The following WNT5B variants were observed in gnomAD, a reference collection of about 807,000 sequenced individuals.
WNT5B encodes the protein protein Wnt-5b.
A neutral mutation model predicts 36.5 loss-of-function variants in WNT5B; 18 were observed. That is an observed-to-expected ratio of 0.49 (90% CI 0.34 to 0.73). The LOEUF (loss-of-function observed/expected upper bound fraction) is 0.73. WNT5B is among the 30% of genes least tolerant of loss of function. The probability of loss-of-function intolerance (pLI) is 0.01; values close to 1 mark genes in which losing one functional copy is unlikely to be tolerated. For synonymous variants in WNT5B, 213 were observed against 212.3 expected, an observed-to-expected ratio of 1.00 and a Z score of -0.03; for missense variants, 424 against 508.4, an observed-to-expected ratio of 0.83 and a Z score of 1.60.
intron 4 of WNT5B, 58 bp from the exon 5 acceptor site, chr12:1,645,736 C>G (rs893338096): frequency 4.0e-6 from 6 of 1,508,604 alleles, no homozygotes; most frequent in Non-Finnish European, 4.4e-6. Flanking sequence ...CCCCAGCCAC[C>G]CTCTGGGCCT....
Position 1,645,775 on chromosome 12 carries a change from C to A in WNT5B, c.622-19C>A, listed in dbSNP as rs750972802. ...CCACCGGGATCCTCCTTCTTACTGC[C>A]TTCTTTCTCTTCCCCTAGGCTGTGT... On this transcript the variant is annotated intron_variant, in intron 4 of 4. Transcript: ENST00000397196. 5 of 1,545,972 alleles carry A rather than the reference C, an allele frequency of 3.2e-6. No homozygotes were observed. Among genetic ancestry groups the A allele is most frequent in the Non-Finnish European group, 4.4e-6 (5 of 1,144,252 alleles).
At chr12:1,625,427 C>A (rs4766400), upstream of WNT5B, among the ~76,000 whole-genome samples, 101,930 of 151,826 alleles carry the variant, frequency 0.67, 34,488 homozygotes, top group Non-Finnish European at 0.71. Context: ...CTCTACAGTA[C>A]GAGAAATGAG....
chr12:1,634,247 C>A (rs1310669358), intron 3 of WNT5B, among the ~76,000 whole-genome samples: 4 of 152,168 alleles, frequency 2.6e-5, no homozygotes, highest in African/African-American at 9.7e-5. Context: ...TCTTCTCAAA[C>A]CCACCTGGCA....
rs545760558 is a variant in WNT5B, at chr12:1,639,289, C to T, written c.329-395C>T. Reference sequence around the variant, plus strand: ...AGTAGCTGGGACTACAGGCGCCCGCCACCACGCCCGGCTAATTTTTTGTAT... The same window carrying T: ...AGTAGCTGGGACTACAGGCGCCCGCTACCACGCCCGGCTAATTTTTTGTAT... On this transcript the variant is annotated intron_variant, in intron 3 of 4. Coordinates refer to ENST00000397196, the MANE Select transcript of WNT5B (RefSeq NM_032642.3). 3.1e-4 allele frequency among the ~76,000 whole-genome samples: 47 copies of T among 151,642 alleles called. No homozygotes were observed. In the South Asian group the frequency reaches 9.4e-3, roughly 30 times the overall value.
chr12:1,638,369 T>C (rs940356467), intron 3 of WNT5B, among the ~76,000 whole-genome samples: 2 of 152,238 alleles, frequency 1.3e-5, no homozygotes, highest in South Asian at 4.1e-4. Flanking sequence ...ATATGGGAAC[T>C]CTACGTTTAA....
At chr12:1,634,051 A>AT (rs554304332) in intron 3 of WNT5B, among the ~76,000 whole-genome samples, 2 of 151,258 alleles carry the variant, frequency 1.3e-5, no homozygotes, top group South Asian at 2.1e-4. Context: ...TATAAAAAAA[A>AT]TTTTTTTTTT....
chr12:1,643,188 G>A (rs1200282261), intron 4 of WNT5B, among the ~76,000 whole-genome samples: 1 of 152,080 alleles, frequency 6.6e-6, no homozygotes, highest in Non-Finnish European at 1.5e-5. Context: ...GACGGTGGCG[G>A]CAACACCAGT....
chr12:1,627,110 A>G (rs2094542345), upstream of WNT5B, among the ~76,000 whole-genome samples: 1 of 152,232 alleles, frequency 6.6e-6, no homozygotes, highest in Non-Finnish European at 1.5e-5. This position sits in a 1 kb window ranked among gnomAD's most constrained non-coding sequence, Gnocchi z 5.0. Flanking sequence ...GCTGCGGCTA[A>G]AACATGCAAG....
chr12:1,645,034 A>G (rs897580133), intron 4 of WNT5B: 1 of 152,166 alleles, frequency 6.6e-6, no homozygotes, highest in Non-Finnish European at 1.5e-5. Context: ...AAGACTCCTG[A>G]TGACTCTATG....
chr12:1,622,254 G>A (rs1358477572), intron 1 of WNT5B, among the ~76,000 whole-genome samples: 1 of 151,986 alleles, frequency 6.6e-6, no homozygotes, highest in Non-Finnish European at 1.5e-5. Context: ...GGGACTACAG[G>A]CGCCCGCCAC....
chr12:1,617,223 A>G (rs2094528100), intron 1 of WNT5B: 1 of 152,064 alleles, frequency 6.6e-6, no homozygotes. Flanking sequence ...CAATATAACT[A>G]CTTGCAGAAA....
chr12:1,632,821 G>C lies in WNT5B; in HGVS notation c.244G>C (p.Glu82Gln). The change falls in exon 3 of 5, where the codon GAA becomes CAA. Residue 82 changes from glutamate to glutamine, a missense_variant. Glu to Gln is a conservative substitution (Grantham distance 29). Coordinates refer to ENST00000397196, the MANE Select transcript of WNT5B (RefSeq NM_032642.3). This position sits in a 1 kb window ranked among gnomAD's most constrained non-coding sequence, Gnocchi z 5.8. ...IGEGAKTGIK[E>Q]CQHQFRQRRW... ...GGAGGGAGCCAAGACTGGCATCAAG[G>C]AATGCCAGCACCAGTTCCGGCAGCG... The C allele has an allele frequency of 6.2e-7, 1 of 1,614,192 alleles. No individual in the cohort carries two copies. Among genetic ancestry groups the C allele is most frequent in the South Asian group, 1.1e-5 (1 of 91,078 alleles).
At chr12:1,617,094 A>G (rs2094527980) in exon 1 of WNT5B, 1 of 152,198 alleles carries the variant, frequency 6.6e-6, no homozygotes, top group South Asian at 2.1e-4. Flanking sequence ...TTGAAGCAGA[A>G]GGTTGACAGC....
At position 1,632,614 on chromosome 12, in the gene WNT5B, T is replaced by C. The variant is rs1465830811; in HGVS notation, c.81-44T>C. Reference sequence around the variant, plus strand: ...CTTAATGCTGCACACAGGCGTATGCTCACTCCTGGGCCTTTTTTTCCCCTT... The same window carrying C: ...CTTAATGCTGCACACAGGCGTATGCCCACTCCTGGGCCTTTTTTTCCCCTT... On this transcript the variant is annotated intron_variant, in intron 2 of 4. Coordinates refer to ENST00000397196, the MANE Select transcript of WNT5B (RefSeq NM_032642.3). The surrounding 1 kb of genome is among the most constrained non-coding windows in gnomAD (Gnocchi z 5.8). The C allele has an allele frequency of 1.9e-6, 3 of 1,566,696 alleles. No individual in the cohort carries two copies. The highest frequency in any genetic ancestry group is 2.6e-6 in the Non-Finnish European group (3 of 1,149,730).
Position 1,631,298 on chromosome 12 carries a change from G to A in WNT5B, c.-57G>A, listed in dbSNP as rs1224100125. On this transcript the variant is annotated splice_region_variant and 5_prime_UTR_variant, in exon 2 of 5. Coordinates refer to ENST00000397196, the MANE Select transcript of WNT5B (RefSeq NM_032642.3). ...GACTCTCCATTTCTGTTTTCTCCAG[G>A]GAACCCTACTCTGGAAACTGTCAGT... 1 of 1,603,072 alleles carries A rather than the reference G, an allele frequency of 6.2e-7. No homozygotes were observed. Among genetic ancestry groups the A allele is most frequent in the Non-Finnish European group, 8.5e-7 (1 of 1,173,058 alleles).
Position 1,632,965 on chromosome 12 carries a change from A to G in WNT5B, c.328+60A>G. On this transcript the variant is annotated intron_variant, in intron 3 of 4. Transcript: ENST00000397196. The surrounding 1 kb of genome is among the most constrained non-coding windows in gnomAD (Gnocchi z 5.8). ...ACTGCACTCGTCTCGTTTGGGAGCA[A>G]TTAAGCTCTCTCAGGACTGGCACAG... is the stretch of plus-strand genomic sequence containing the variant. The G allele has an allele frequency of 6.5e-7, 1 of 1,549,342 alleles. No individual in the cohort carries two copies. The highest frequency in any genetic ancestry group is 8.7e-7 in the Non-Finnish European group (1 of 1,144,804).
At position 1,618,718 on chromosome 12, in the gene WNT5B, G is replaced by A. The variant is rs1366554892; in HGVS notation, c.-58+1575G>A. Among the ~76,000 whole-genome samples, 2 of 152,150 alleles carry A rather than the reference G, an allele frequency of 1.3e-5. No homozygotes were observed. Among genetic ancestry groups the A allele is most frequent in the African/African-American group, 4.8e-5 (2 of 41,430 alleles). ...TTGCTTGATACCTGGGGAGAAAATT[G>A]TGCTTTTCCAAGTAAGATGAGTCAT... On this transcript the variant is annotated intron_variant, in intron 1 of 4. Coordinates refer to the WNT5B transcript ENST00000310594. The surrounding 1 kb of genome is among the most constrained non-coding windows in gnomAD (Gnocchi z 4.1).
chr12:1,636,957 C>T (rs1241993723), intron 3 of WNT5B, among the ~76,000 whole-genome samples: 2 of 152,170 alleles, frequency 1.3e-5, no homozygotes, highest in African/African-American at 4.8e-5. Flanking sequence ...ATCCATGCTC[C>T]TTGGCCTCCC....
Position 1,639,859 on chromosome 12 carries a change from C to T in WNT5B, c.504C>T (p.Gly168=), listed in dbSNP as rs2154439772. ...GCTGTGGGGACAACGTGGAGTACGG[C>T]TACCGCTTCGCCAAGGAGTTTGTGG... The part of the protein sequence containing the change: ...WGGCGDNVEY[G]YRFAKEFVDA... Residue 168 remains glycine, a synonymous_variant, in exon 4 of 5, where the codon GGC becomes GGT. Coordinates refer to ENST00000397196, the MANE Select transcript of WNT5B (RefSeq NM_032642.3). 1 of 1,614,004 alleles carries T rather than the reference C, an allele frequency of 6.2e-7. No homozygotes were observed. Among genetic ancestry groups the T allele is most frequent in the East Asian group, 2.2e-5 (1 of 44,870 alleles).
Sources: gnomAD v4.1 joint callset for allele counts (sites outside exome capture counted in the v4.1 genomes callset) on GRCh38, gnomAD v4.1.1 for gene constraint, Gnocchi (gnomAD v3.1) non-coding constraint, MANE v1.5 for transcripts, NCBI Gene and HGNC (gene_info 2026-07-23, HGNC 2026-07-21) for gene names.